Variants in TBC1D9B observed in about 807,000 individuals in gnomAD.
TBC1D9B encodes the protein TBC1 domain family member 9B.
A neutral mutation model predicts 121.1 loss-of-function variants in TBC1D9B; 87 were observed. The ratio of observed to expected loss-of-function variants is 0.72; its 90% CI spans 0.60 to 0.86. The LOEUF is 0.86. TBC1D9B is among the 40% of genes least tolerant of loss of function. The pLI, the probability that TBC1D9B is intolerant of heterozygous loss-of-function variation, is 0.00. For synonymous variants in TBC1D9B, 668 were observed against 670.1 expected (o/e 1.00, Z 0.05); for missense variants, 1,540 against 1,628.6 (o/e 0.95, Z 0.94).
chr5:179,867,830 G>C lies in TBC1D9B; in HGVS notation c.2811C>G (p.Ala937=), dbSNP rs1321959174. ...AATGGGCCGCCTCCAGGGCTGACTC[G>C]GCTTCCTCTGGGCTCAGAGCTGTGC... ...HLPPALSPEE[A]ESALEAAHYF... The change falls in exon 18 of 21, where the codon GCC becomes GCG. Residue 937 remains alanine (A), a synonymous_variant. Transcript: ENST00000355235. 2 of 1,526,444 alleles carry C rather than the reference G, an allele frequency of 1.3e-6. No individual in the cohort carries two copies. The highest frequency in any genetic ancestry group is 8.8e-7 in the Non-Finnish European group (1 of 1,136,628). The allele number at this position is 1,526,444 out of a possible 1,614,324, so 94.6% of individuals were successfully genotyped here. A position where few individuals can be genotyped will look rare whatever the true frequency, so the allele number is the denominator to read the frequency against.
At chr5:179,881,827 A>C (rs1209664341) in intron 7 of TBC1D9B, among the ~76,000 whole-genome samples, 1 of 152,138 alleles carries the variant, frequency 6.6e-6, no homozygotes, top group Non-Finnish European at 1.5e-5. Flanking sequence ...ATTAGCTAGC[A>C]GGCCTTTTCT....
At chr5:179,899,132 A>G (rs982879824) in intron 3 of TBC1D9B, 57 bp downstream of exon 3, 19 of 1,426,808 alleles carry the variant, frequency 1.3e-5, no homozygotes, top group Non-Finnish European at 1.9e-5. Context: ...AGGATAATAC[A>G]CGAGAACACT....
At chr5:179,899,359 A>C in intron 2 of TBC1D9B, 52 bp from the exon 3 acceptor site, 1 of 1,489,066 alleles carries the variant, frequency 6.7e-7, no homozygotes. Flanking sequence ...CCCAGGCCTT[A>C]AACGCACATT....
At position 179,862,690 on chromosome 5, in the gene TBC1D9B, A is replaced by G. The variant is rs773798915; in HGVS notation, c.*758T>C. 55 of 432,990 alleles carry G rather than the reference A, an allele frequency of 1.3e-4. No individual in the cohort carries two copies. The highest frequency in any genetic ancestry group is 3.3e-4 in the Middle Eastern group (1 of 3,018). The allele number at this position is 432,990 out of a possible 1,614,324, so 26.8% of individuals were successfully genotyped here. A position where few individuals can be genotyped will look rare whatever the true frequency, so the allele number is the denominator to read the frequency against. On this transcript the variant is annotated 3_prime_UTR_variant, in exon 21 of 21. Coordinates refer to ENST00000355235, the MANE Select transcript of TBC1D9B (RefSeq NM_015043.4). The stretch of plus-strand genomic sequence containing the variant: ...ATACTTGGCCTGGGGAGAAGTTGGG[A>G]GGCCTAAGCAGTGGTTGGGGGCCAC...
In TBC1D9B at chr5:179,904,006, G is replaced by A. The variant is rs1295595580; in HGVS notation, c.229+696C>T. On this transcript the variant is annotated intron_variant, in intron 2 of 20. Coordinates refer to ENST00000355235, the MANE Select transcript of TBC1D9B (RefSeq NM_015043.4). This position sits in a 1 kb window ranked among gnomAD's most constrained non-coding sequence, Gnocchi z 4.2. Reference sequence around the variant, plus strand: ...AGTGTCTCCAAATGACCACAAAATCGCTGGAAGTATTGATTTGGGGATTGC... The same window carrying A: ...AGTGTCTCCAAATGACCACAAAATCACTGGAAGTATTGATTTGGGGATTGC... Among the ~76,000 whole-genome samples the A allele has an allele frequency of 2.0e-5, 3 of 152,232 alleles. No homozygotes were observed. In the South Asian group the frequency reaches 6.2e-4, roughly 32 times the overall value.
intron 2 of TBC1D9B, among the ~76,000 whole-genome samples, chr5:179,900,641 T>C (rs930636995): frequency 4.6e-5 from 7 of 152,192 alleles, no homozygotes; most frequent in African/African-American, 1.4e-4. Context: ...GACTGACCGA[T>C]ACATAACTGT....
chr5:179,890,900 C>T lies in TBC1D9B; in HGVS notation c.1044+479G>A, dbSNP rs888915864. 4.6e-5 allele frequency among the ~76,000 whole-genome samples: 7 copies of T among 152,166 alleles called. No individual in the cohort carries two copies. The highest frequency in any genetic ancestry group is 2.1e-4 in the South Asian group (1 of 4,824). ...CAGCCTCACAGGGGAGAGCCGACGC[C>T]GCCCCACAGGGGAGAGCCGACCTCT... is the stretch of plus-strand genomic sequence containing the variant. On this transcript the variant is annotated intron_variant, in intron 6 of 20. Transcript: ENST00000355235. The surrounding 1 kb of genome is among the most constrained non-coding windows in gnomAD (Gnocchi z 5.0).
Position 179,873,217 on chromosome 5 carries a change from C to A in TBC1D9B, c.2218G>T (p.Val740Phe). Residue 740 changes from valine (V) to phenylalanine (F), a missense_variant, in exon 13 of 21, where the codon GTC becomes TTC. By Grantham distance (50) the Val-to-Phe change is conservative (BLOSUM62 -1). Coordinates refer to ENST00000355235, the MANE Select transcript of TBC1D9B (RefSeq NM_015043.4). ...YLDNVVNKQS[V>F]SPPIPHLRAL... ...CGGAGGTGCGGGATAGGAGGAGAGA[C>A]ACTCTGCTTGTTGACCACATTATCC... is the stretch of plus-strand genomic sequence containing the variant. 6.2e-7 allele frequency: 1 copy of A among 1,612,628 alleles called. No individual in the cohort carries two copies. The highest frequency in any genetic ancestry group is 8.5e-7 in the Non-Finnish European group (1 of 1,179,362).
In TBC1D9B at chr5:179,865,307, T is replaced by G. The variant is rs750385482; in HGVS notation, c.2968A>C (p.Lys990Gln). 6.2e-7 allele frequency: 1 copy of G among 1,614,138 alleles called. No homozygotes were observed. Among genetic ancestry groups the G allele is most frequent in the Admixed American group, 1.7e-5 (1 of 60,032 alleles). The change falls in exon 20 of 21, where the codon AAG (lysine) becomes CAG (glutamine). Residue 990 changes from lysine to glutamine, a missense_variant. By Grantham distance (53) the Lys-to-Gln change is moderately conservative (BLOSUM62 1). Transcript: ENST00000355235. The surrounding 1 kb of genome is among the most constrained non-coding windows in gnomAD (Gnocchi z 5.1). Reference protein sequence around the residue: ...DYRHYLRMWAKEKEAQKETIK... With the variant: ...DYRHYLRMWAQEKEAQKETIK... ...GTCTCCTTCTGAGCCTCTTTCTCCT[T>G]GGCCCACATTCGAAGGTAGTGCCGA...
intron 9 of TBC1D9B, among the ~76,000 whole-genome samples, chr5:179,878,784 C>T (rs1760440773): frequency 6.6e-6 from 1 of 152,220 alleles, no homozygotes. Flanking sequence ...CTCTAGGGGA[C>T]CTGTTTCCCT....
rs754548703 is a variant in TBC1D9B at position 179,893,197 on chromosome 5, A to G, written c.836+12T>C. Reference sequence around the variant, plus strand: ...TCACATGAGCCCACCCCAGCCCTGGAGGGCAACGCACCGCTTCAGGGCTGA... The same window carrying G: ...TCACATGAGCCCACCCCAGCCCTGGGGGGCAACGCACCGCTTCAGGGCTGA... On this transcript the variant is annotated intron_variant, in intron 5 of 20. Coordinates refer to ENST00000355235, the MANE Select transcript of TBC1D9B (RefSeq NM_015043.4). 6.3e-7 allele frequency: 1 copy of G among 1,593,140 alleles called. No individual in the cohort carries two copies. The highest frequency in any genetic ancestry group is 1.1e-5 in the South Asian group (1 of 89,940).
At chr5:179,894,916 G>A (rs1047789433) in intron 3 of TBC1D9B, among the ~76,000 whole-genome samples, 3 of 152,220 alleles carry the variant, frequency 2.0e-5, no homozygotes, top group Non-Finnish European at 4.4e-5. Context: ...AAGCTGGAGT[G>A]CAGTGGCTCA....
Position 179,865,205 on chromosome 5 carries a change from T to TG in TBC1D9B, c.3021+48dup. 6.3e-7 allele frequency: 1 copy of TG among 1,579,146 alleles called. No homozygotes were observed. The highest frequency in any genetic ancestry group is 1.1e-5 in the South Asian group (1 of 90,416). ...GTGCGGTGATGTTAGGGCCCAGTCT[T>TG]GGTCAGAACTCTCCAGAAATGTCTA... On this transcript the variant is annotated intron_variant, in intron 20 of 20. Transcript: ENST00000355235. This position sits in a 1 kb window ranked among gnomAD's most constrained non-coding sequence, Gnocchi z 5.1.
At chr5:179,889,488 A>G (rs942340937) in intron 6 of TBC1D9B, among the ~76,000 whole-genome samples, 2 of 151,962 alleles carry the variant, frequency 1.3e-5, no homozygotes, top group Non-Finnish European at 2.9e-5. Flanking sequence ...CAGGTGGGAG[A>G]AGACTCTAGA....
chr5:179,886,403 G>A (rs891922930), intron 7 of TBC1D9B, among the ~76,000 whole-genome samples: 1 of 152,160 alleles, frequency 6.6e-6, no homozygotes, highest in African/African-American at 2.4e-5. Flanking sequence ...TGCTTACTCA[G>A]CTTTCAGGAA....
At chr5:179,881,846 T>G (rs1760549252) in intron 7 of TBC1D9B, among the ~76,000 whole-genome samples, 1 of 152,104 alleles carries the variant, frequency 6.6e-6, no homozygotes, top group African/African-American at 2.4e-5. Flanking sequence ...CTTCCCACTT[T>G]CCTCCCTCTC....
At chr5:179,864,172 C>T (rs369510248) in intron 20 of TBC1D9B, 44 bp from the exon 21 acceptor site, 2 of 1,532,738 alleles carry the variant, frequency 1.3e-6, no homozygotes, top group Middle Eastern at 1.7e-4. Context: ...GGTAAAAGAC[C>T]AGTCAGACGG....
chr5:179,901,199 C>G (rs1761157164), intron 2 of TBC1D9B, among the ~76,000 whole-genome samples: 1 of 152,198 alleles, frequency 6.6e-6, no homozygotes, highest in Non-Finnish European at 1.5e-5. Context: ...CAGAATTACT[C>G]CTGGAAGCCC....
chr5:179,905,602 C>T (rs75248156), intron 1 of TBC1D9B, among the ~76,000 whole-genome samples: 38 of 152,326 alleles, frequency 2.5e-4, no homozygotes, highest in East Asian at 1.7e-3. Flanking sequence ...TCTGTGGCAA[C>T]GCTATCTTTG....
Sources: allele counts gnomAD v4.1 joint callset (sites outside exome capture counted in the v4.1 genomes callset), GRCh38; gene constraint gnomAD v4.1.1; non-coding constraint Gnocchi (gnomAD v3.1); transcripts MANE v1.5; gene names NCBI Gene and HGNC (gene_info 2026-07-23, HGNC 2026-07-21).